The following PTPRM variants were observed in gnomAD, a reference collection of about 807,000 sequenced individuals.
The protein encoded by PTPRM is receptor-type tyrosine-protein phosphatase mu.
PTPRM carries 47 observed loss-of-function variants against 186.7 expected under a neutral mutation model. The ratio of observed to expected loss-of-function variants is 0.25; its 90% confidence interval spans 0.20 to 0.32. The LOEUF is 0.32. Ranked by LOEUF, PTPRM falls within the 10% of genes least tolerant of loss-of-function variation. PTPRM has a pLI of 1.00. For missense variants in PTPRM, 1,494 were observed against 1,865.0 expected (o/e 0.80, Z 3.66); for synonymous variants, 668 against 674.9 (o/e 0.99, Z 0.16).
chr18:8,079,672 A>G (rs901721678), intron 9 of PTPRM, among the ~76,000 whole-genome samples: 1 of 152,122 alleles, frequency 6.6e-6, no homozygotes, highest in African/African-American at 2.4e-5. Flanking sequence ...TCTAAACACA[A>G]AAGTTTAGAA....
intron 20 of PTPRM, among the ~76,000 whole-genome samples, chr18:8,311,257 C>T (rs1468134402): frequency 6.6e-5 from 10 of 151,432 alleles, no homozygotes; most frequent in Admixed American, 2.0e-4. Flanking sequence ...TGCAATGAGC[C>T]GAGATCGCGC....
At chr18:8,372,275 C>T (rs920194952) in intron 24 of PTPRM, among the ~76,000 whole-genome samples, 3 of 143,366 alleles carry the variant, frequency 2.1e-5, no homozygotes, top group African/African-American at 8.0e-5. Context: ...GGGGTTTCAC[C>T]TTGTTAGCCA....
At chr18:7,820,150 C>A (rs1054875971) in intron 2 of PTPRM, among the ~76,000 whole-genome samples, 20 of 75,430 alleles carry the variant, frequency 2.7e-4, no homozygotes, top group Non-Finnish European at 3.6e-4. Context: ...CTGTATCCAG[C>A]TTCCAATTAG....
intron 13 of PTPRM, among the ~76,000 whole-genome samples, chr18:8,115,029 C>A (rs73941032): frequency 1.3e-5 from 2 of 151,706 alleles, no homozygotes; most frequent in Non-Finnish European, 2.9e-5. Context: ...CATATAGATA[C>A]TTTTTAAAAT....
intron 18 of PTPRM, 104 bp from the exon 19 acceptor site, chr18:8,253,123 C>T (rs143656979): frequency 1.0e-6 from 1 of 964,410 alleles, no homozygotes; most frequent in Non-Finnish European, 1.4e-6. Context: ...GAATTTTGCA[C>T]CCCTAGGTGA....
chr18:7,750,583 C>A (rs17556324), intron 1 of PTPRM, among the ~76,000 whole-genome samples: 4 of 151,972 alleles, frequency 2.6e-5, no homozygotes, highest in Non-Finnish European at 5.9e-5. Flanking sequence ...GACCCTCCAA[C>A]GCTCCAAAAT....
chr18:8,015,955 A>G lies in PTPRM; in HGVS notation c.1133-53731A>G, dbSNP rs148354152. Among the ~76,000 whole-genome samples the G allele has an allele frequency of 3.6e-3, 548 of 152,282 alleles. 1 individual carries two copies. The highest frequency in any genetic ancestry group is 0.012 in the African/African-American group (513 of 41,572). On this transcript the variant is annotated intron_variant, in intron 7 of 32. Coordinates refer to ENST00000580170, the MANE Select transcript of PTPRM (RefSeq NM_001105244.2). ...ATGAGACCTCGAAATATCAATTAAC[A>G]AAAAATAGTACCTAAAATGTCTTCT...
intron 1 of PTPRM, among the ~76,000 whole-genome samples, chr18:7,704,752 A>G (rs1416031731): frequency 1.3e-5 from 2 of 152,188 alleles, no homozygotes; most frequent in Non-Finnish European, 1.5e-5. Context: ...GGCAATGAAC[A>G]TAATTCTAAT....
At chr18:8,066,583 A>G (rs2089098961) in intron 7 of PTPRM, among the ~76,000 whole-genome samples, 1 of 152,210 alleles carries the variant, frequency 6.6e-6, no homozygotes, top group Non-Finnish European at 1.5e-5. Context: ...GCAACACATT[A>G]GTAGGCACAG....
intron 2 of PTPRM, among the ~76,000 whole-genome samples, chr18:7,795,524 T>C (rs1448208565): frequency 6.6e-6 from 1 of 151,986 alleles, no homozygotes; most frequent in East Asian, 1.9e-4. Context: ...TTTGAGACTT[T>C]CGTAAACTCT....
intron 7 of PTPRM, among the ~76,000 whole-genome samples, chr18:8,066,493 A>C (rs2089089390): frequency 6.6e-6 from 1 of 152,174 alleles, no homozygotes; most frequent in African/African-American, 2.4e-5. Context: ...TGAGAATCAG[A>C]GTCAAAGAGG....
intron 19 of PTPRM, among the ~76,000 whole-genome samples, chr18:8,268,064 T>G (rs1279044034): frequency 6.6e-6 from 1 of 152,144 alleles, no homozygotes; most frequent in Non-Finnish European, 1.5e-5. Flanking sequence ...TTCCATAATT[T>G]TAGAATCACC....
chr18:7,833,793 C>T (rs2045887044), intron 2 of PTPRM, among the ~76,000 whole-genome samples: 1 of 151,494 alleles, frequency 6.6e-6, no homozygotes. Context: ...AAAAGCAATG[C>T]ATATTGATTT....
At chr18:8,019,456 A>G (rs73385621) in intron 7 of PTPRM, among the ~76,000 whole-genome samples, 2,778 of 152,154 alleles carry the variant, frequency 0.018, 91 homozygotes, top group African/African-American at 0.064. Flanking sequence ...AGACCTTAGG[A>G]TTTGTTGGTC....
intron 10 of PTPRM, among the ~76,000 whole-genome samples, chr18:8,087,501 A>AAT (rs1466157390): frequency 7.9e-5 from 12 of 152,140 alleles, no homozygotes; most frequent in African/African-American, 2.7e-4. Context: ...CAGCATGCCA[A>AAT]GTTCAAATAA....
Position 7,732,696 on chromosome 18 carries a change from G to A in PTPRM, c.74-41453G>A, listed in dbSNP as rs114922979. ...TAATTTTTGAAATTGTTGTAGGAACGGAGTCTCACTATTGCCCAGGCTGGT... is the reference window on the plus strand; with the variant it reads ...TAATTTTTGAAATTGTTGTAGGAACAGAGTCTCACTATTGCCCAGGCTGGT... On this transcript the variant is annotated intron_variant, in intron 1 of 32. Transcript: ENST00000580170. Among the ~76,000 whole-genome samples the A allele has an allele frequency of 6.3e-3, 963 of 151,714 alleles. 9 individuals carry two copies. The highest frequency in any genetic ancestry group is 0.022 in the African/African-American group (904 of 41,364).
chr18:8,234,437 T>C (rs2094321059), intron 14 of PTPRM, among the ~76,000 whole-genome samples: 2 of 152,324 alleles, frequency 1.3e-5, no homozygotes, highest in Middle Eastern at 3.4e-3. Context: ...CCTGGTATCC[T>C]GCAACCTTGC....
chr18:8,100,582 C>T (rs748093673), intron 11 of PTPRM, among the ~76,000 whole-genome samples: 5 of 152,182 alleles, frequency 3.3e-5, no homozygotes, highest in Non-Finnish European at 7.3e-5. Context: ...ACCTCCAGTT[C>T]CCAATTGGGA....
At position 8,104,279 on chromosome 18, in the gene PTPRM, G is replaced by A. The variant is rs957198241; in HGVS notation, c.1857-9207G>A. Among the ~76,000 whole-genome samples, 14 of 152,254 alleles carry A rather than the reference G, an allele frequency of 9.2e-5. No homozygotes were observed. In the East Asian group the frequency reaches 1.9e-3, roughly 21 times the overall value. ...TGAAGTGCCTTATTAAGCTGGGTAC[G>A]CCTTTATTAAGAAAATACGTTACAC... On this transcript the variant is annotated intron_variant, in intron 11 of 32. Coordinates refer to ENST00000580170, the MANE Select transcript of PTPRM (RefSeq NM_001105244.2).
Sources: allele counts gnomAD v4.1 joint callset (sites outside exome capture counted in the v4.1 genomes callset), GRCh38; gene constraint gnomAD v4.1.1; transcripts MANE v1.5; gene names NCBI Gene and HGNC (gene_info 2026-07-23, HGNC 2026-07-21).